The following KLC2 variants were observed in gnomAD, a reference collection of about 807,000 sequenced individuals.
KLC2 encodes KLC 2.
KLC2 carries 35 observed loss-of-function variants against 75.1 expected under a neutral mutation model. The ratio of observed to expected loss-of-function variants is 0.47; its 90% CI spans 0.36 to 0.62. The LOEUF is 0.62. Among genes scored for constraint, KLC2 ranks in the 20% least tolerant of loss-of-function variants. The pLI is 0.00. For synonymous variants in KLC2, 314 were observed against 336.7 expected, an observed-to-expected ratio of 0.93 and a Z score of 0.74; for missense variants, 611 against 833.2, an observed-to-expected ratio of 0.73 and a Z score of 3.28.
the KLC2 span, among the ~76,000 whole-genome samples, chr11:66,246,763 T>C: frequency 6.6e-6 from 1 of 152,228 alleles, no homozygotes; most frequent in Non-Finnish European, 1.5e-5. Context: ...AAAAGTTTCC[T>C]TTCCACAGTT....
At chr11:66,262,213 A>T in intron 4 of KLC2, 21 bp downstream of exon 4, 1 of 1,602,102 alleles carries the variant, frequency 6.2e-7, no homozygotes, top group Middle Eastern at 1.9e-4. Flanking sequence ...GCAGTTCTGG[A>T]GTGGGGGAAG....
At chr11:66,247,379 CTGAAG>C in the KLC2 span, among the ~76,000 whole-genome samples, 2 of 152,206 alleles carry the variant, frequency 1.3e-5, no homozygotes, top group Non-Finnish European at 2.9e-5. Context: ...GGTGTGTAAG[CTGAAG>C]CCTTACCTGT....
Position 66,265,843 on chromosome 11 carries a change from C to T in KLC2, c.1444-11C>T, listed in dbSNP as rs764717786. On this transcript the variant is annotated splice_polypyrimidine_tract_variant and intron_variant, in intron 12 of 15. Transcript: ENST00000394067. ...TCCATTCACTGCCTGATGCCCCTGC[C>T]CCTCCCTCAGGGTTTGGACCCCGCA... is the stretch of plus-strand genomic sequence containing the variant. 7.6e-6 allele frequency: 12 copies of T among 1,579,356 alleles called. No individual in the cohort carries two copies. Among genetic ancestry groups the T allele is most frequent in the South Asian group, 1.2e-5 (1 of 86,536 alleles).
rs1442955998 is a variant in KLC2 at position 66,267,670 on chromosome 11, C to T, written c.*714C>T. On this transcript the variant is annotated 3_prime_UTR_variant, in exon 16 of 16. Coordinates refer to ENST00000394067, the MANE Select transcript of KLC2 (RefSeq NM_001318734.2). ...ACTGCCCCTCCCACCCGGCCCCGCCCAGGCACGGCCGACCCCGCCCCGGGC... is the reference window on the plus strand; with the variant it reads ...ACTGCCCCTCCCACCCGGCCCCGCCTAGGCACGGCCGACCCCGCCCCGGGC... The T allele has an allele frequency of 3.7e-6, 2 of 533,820 alleles. No individual in the cohort carries two copies. The highest frequency in any genetic ancestry group is 6.6e-6 in the Non-Finnish European group (2 of 302,554). 33.1% of individuals were successfully genotyped at this position (533,820 alleles called of 1,614,324 possible).
intron 2 of KLC2, among the ~76,000 whole-genome samples, chr11:66,259,293 A>G (rs556383538): frequency 1.3e-5 from 2 of 152,338 alleles, no homozygotes; most frequent in South Asian, 4.1e-4. Flanking sequence ...TTCTGCAGAG[A>G]AAAGAACAAG....
chr11:66,264,506 A>T, intron 9 of KLC2, 62 bp downstream of exon 9: 4 of 1,216,148 alleles, frequency 3.3e-6, no homozygotes, highest in Non-Finnish European at 4.8e-6. Context: ...TGCCATCAGC[A>T]CCCAGGACAA....
upstream of KLC2, among the ~76,000 whole-genome samples, chr11:66,254,261 G>A (rs1855985768): frequency 1.3e-5 from 2 of 152,132 alleles, no homozygotes; most frequent in African/African-American, 4.8e-5. Context: ...TGAGCCCGGT[G>A]CAGCCGCCTT....
intron 6 of KLC2, 42 bp from the exon 7 acceptor site, chr11:66,263,809 T>G: frequency 1.2e-6 from 2 of 1,605,932 alleles, no homozygotes; most frequent in Non-Finnish European, 1.7e-6. Flanking sequence ...CCCAGAGTCC[T>G]GCAGGGCCTG....
chr11:66,253,799 C>CGGA (rs1855982260), upstream of KLC2, among the ~76,000 whole-genome samples: 4 of 152,248 alleles, frequency 2.6e-5, no homozygotes, highest in South Asian at 8.3e-4. Context: ...CCCCCACCAG[C>CGGA]ACACCGGGCG....
At chr11:66,258,859 GGAGGGATC>G (rs1565167747) in intron 2 of KLC2, 37 bp downstream of exon 2, 1 of 1,440,516 alleles carries the variant, frequency 6.9e-7, no homozygotes, top group Non-Finnish European at 9.7e-7. Context: ...GGAGGTCACT[GGAGGGATC>G]GAGCCTTCAA....
chr11:66,258,904 A>G, intron 2 of KLC2, 82 bp downstream of exon 2: 1 of 943,090 alleles, frequency 1.1e-6, no homozygotes, highest in Non-Finnish European at 1.6e-6. Flanking sequence ...TAGGAGAAGA[A>G]TCTGAGCAGG....
At chr11:66,263,082 C>G (rs763498513) in intron 5 of KLC2, 46 bp downstream of exon 5, 2 of 1,414,968 alleles carry the variant, frequency 1.4e-6, no homozygotes, top group Non-Finnish European at 2.0e-6. Context: ...AAGGCTCCAG[C>G]CCTGGATCAC....
chr11:66,255,617 AAC>A (rs771549566), upstream of KLC2, among the ~76,000 whole-genome samples: 1 of 152,238 alleles, frequency 6.6e-6, no homozygotes, highest in Non-Finnish European at 1.5e-5. Flanking sequence ...GACAAGGATA[AAC>A]ACAAGCTCAG....
At chr11:66,247,523 G>A in the KLC2 span, among the ~76,000 whole-genome samples, 1 of 152,210 alleles carries the variant, frequency 6.6e-6, no homozygotes, top group Non-Finnish European at 1.5e-5. Context: ...CGGACCTTTG[G>A]TCCTGTCCAT....
chr11:66,246,536 G>A, the KLC2 span, among the ~76,000 whole-genome samples: 1 of 152,034 alleles, frequency 6.6e-6, no homozygotes, highest in African/African-American at 2.4e-5. Context: ...CCTCTCTCCT[G>A]CACTGCGGGT....
intron 11 of KLC2, 104 bp from the exon 12 acceptor site, chr11:66,265,551 G>GACCCA: frequency 1.1e-6 from 1 of 924,524 alleles, no homozygotes; most frequent in Non-Finnish European, 1.6e-6. Flanking sequence ...ATGGATTCTG[G>GACCCA]CTACCCCGGA....
chr11:66,249,999 G>T, the KLC2 span, among the ~76,000 whole-genome samples: 2 of 152,072 alleles, frequency 1.3e-5, no homozygotes, highest in African/African-American at 2.4e-5. Context: ...CCGTGGTCTG[G>T]CTCACTACCT....
chr11:66,267,239 G>A lies in KLC2; in HGVS notation c.*283G>A. 1 of 1,488,390 alleles carries A rather than the reference G, an allele frequency of 6.7e-7. No individual in the cohort carries two copies. The highest frequency in any genetic ancestry group is 9.2e-7 in the Non-Finnish European group (1 of 1,090,326). The allele number at this position is 1,488,390 out of a possible 1,614,324, so 92.2% of individuals were successfully genotyped here. The stretch of plus-strand genomic sequence containing the variant: ...TGGAGTCTCCACCATAGACTCAGTG[G>A]CCTGGCCTCCCCAGACCCCAGAGCC... On this transcript the variant is annotated 3_prime_UTR_variant, in exon 16 of 16. Transcript: ENST00000394067.
At chr11:66,250,340 G>A in the KLC2 span, among the ~76,000 whole-genome samples, 5 of 152,122 alleles carry the variant, frequency 3.3e-5, no homozygotes, top group Non-Finnish European at 7.3e-5. Flanking sequence ...CTCGATAAAG[G>A]TTGGTTCAGT....
Sources: gnomAD v4.1 joint callset for allele counts (sites outside exome capture counted in the v4.1 genomes callset) on GRCh38, gnomAD v4.1.1 for gene constraint, MANE v1.5 for transcripts, NCBI Gene and HGNC (gene_info 2026-07-23, HGNC 2026-07-21) for gene names.